DOCK7: variants seen among roughly 807,000 people sequenced by gnomAD.
DOCK7 encodes the protein dedicator of cytokinesis 7, also known as dedicator of cytokinesis protein 7.
Under a neutral mutation model 271.0 loss-of-function variants are expected in DOCK7, and 138 were observed. The ratio of observed to expected loss-of-function variants is 0.51; its 90% CI spans 0.44 to 0.59. DOCK7 has a LOEUF of 0.59. Among genes scored for constraint, DOCK7 ranks in the 20% least tolerant of loss-of-function variants. The probability of loss-of-function intolerance (pLI) is 0.00; values close to 1 mark genes in which losing one functional copy is unlikely to be tolerated. For missense variants in DOCK7, 2,066 were observed against 2,592.4 expected (o/e 0.80, Z 4.41); for synonymous variants, 823 against 876.1 (o/e 0.94, Z 1.07).
At chr1:62,666,811 G>A (rs890697559) in intron 1 of DOCK7, among the ~76,000 whole-genome samples, 4 of 152,042 alleles carry the variant, frequency 2.6e-5, no homozygotes, top group East Asian at 1.9e-4. Context: ...AGTAGAAAAG[G>A]TCAAAAATTC....
intron 37 of DOCK7, among the ~76,000 whole-genome samples, chr1:62,502,625 T>TA (rs1295237711): frequency 6.6e-6 from 1 of 152,052 alleles, no homozygotes; most frequent in African/African-American, 2.4e-5. Context: ...TCTAAAGAAA[T>TA]AGAGTACTAG....
chr1:62,497,906 T>G (rs1371274680), intron 37 of DOCK7, among the ~76,000 whole-genome samples: 1 of 152,128 alleles, frequency 6.6e-6, no homozygotes, highest in African/African-American at 2.4e-5. Flanking sequence ...TGGCTAGGCC[T>G]TTTCAATTAC....
In DOCK7 at chr1:62,552,717, A is replaced by C. The variant is rs1237298201; in HGVS notation, c.2766+15T>G. 1.3e-6 allele frequency: 2 copies of C among 1,582,690 alleles called. No individual in the cohort carries two copies. The highest frequency in any genetic ancestry group is 2.7e-5 in the African/African-American group (2 of 74,000). ...AAACAAAAACCAAATTTACAGATGC[A>C]TGTCTTCAGTTTACCTTACTCCCGA... On this transcript the variant is annotated intron_variant, in intron 22 of 49. Coordinates refer to ENST00000635253, the MANE Select transcript of DOCK7 (RefSeq NM_001367561.1).
intron 2 of DOCK7, among the ~76,000 whole-genome samples, chr1:62,655,252 TAAAGGATATAAAAC>T (rs981079088): frequency 9.2e-5 from 14 of 152,166 alleles, no homozygotes; most frequent in African/African-American, 3.4e-4. Flanking sequence ...GACAAACCTA[TAAAGGATATAAAAC>T]AAACATGCAG....
intron 1 of DOCK7, 28 bp from the exon 2 acceptor site, chr1:62,663,158 C>T (rs746521900): frequency 3.8e-6 from 5 of 1,309,828 alleles, no homozygotes; most frequent in Admixed American, 4.2e-5. Flanking sequence ...AAAACATACG[C>T]ATTATTGAAA....
At chr1:62,558,896 T>C (rs569443947) in intron 20 of DOCK7, 93 bp downstream of exon 20, 24 of 1,032,068 alleles carry the variant, frequency 2.3e-5, no homozygotes, top group Admixed American at 4.8e-5. Context: ...TCCTTATATA[T>C]AGCAAATAGA....
intron 10 of DOCK7, among the ~76,000 whole-genome samples, chr1:62,632,645 TATC>T (rs1654762244): frequency 6.6e-6 from 1 of 152,210 alleles, no homozygotes; most frequent in Non-Finnish European, 1.5e-5. Flanking sequence ...TGTTATCAAT[TATC>T]CAACTTTTTT....
chr1:62,622,622 A>G (rs1653408416), intron 12 of DOCK7, among the ~76,000 whole-genome samples: 1 of 151,500 alleles, frequency 6.6e-6, no homozygotes, highest in African/African-American at 2.4e-5. Context: ...GCCGGCTAAT[A>G]TTTTTTATTT....
rs376803207 is a variant in DOCK7, at chr1:62,653,843, T to A, written c.321-50A>T. The A allele has an allele frequency of 3.4e-6, 5 of 1,456,656 alleles. No homozygotes were observed. The Admixed American group carries it at 7.2e-5, about 21-fold the overall frequency. The allele number at this position is 1,456,656 out of a possible 1,614,324, so 90.2% of individuals were successfully genotyped here. On this transcript the variant is annotated intron_variant, in intron 3 of 49. Coordinates refer to ENST00000635253, the MANE Select transcript of DOCK7 (RefSeq NM_001367561.1). ...TGTAATTTAGACGGGACAGCACTGA[T>A]GTTCATTAATTTGGTTGCTACAATC...
rs971057105 is a variant in DOCK7, at chr1:62,555,951, T to C, written c.2470A>G (p.Ile824Val). 1 of 1,613,886 alleles carries C rather than the reference T, an allele frequency of 6.2e-7. No individual in the cohort carries two copies. The highest frequency in any genetic ancestry group is 1.3e-5 in the African/African-American group (1 of 75,050). ...AAGTTTTTGTGAAGTCGATTTATAA[T>C]TGATGCCATGGCTTCAAAAGATGCT... ...GQASFEAMAS[I>V]INRLHKNLEG... is the part of the protein sequence containing the mutation. Residue 824 changes from isoleucine (I) to valine (V), a missense_variant, in exon 21 of 50, where the codon ATT becomes GTT. Physicochemically the swap from Ile to Val is conservative, Grantham distance 29. Transcript: ENST00000635253.
At chr1:62,515,807 A>C (rs1391692034) in intron 31 of DOCK7, among the ~76,000 whole-genome samples, 1 of 152,220 alleles carries the variant, frequency 6.6e-6, no homozygotes, top group African/African-American at 2.4e-5. Context: ...CAGGGAGATG[A>C]ATGTGTTCTG....
intron 18 of DOCK7, among the ~76,000 whole-genome samples, chr1:62,574,294 T>C (rs1404139886): frequency 6.6e-6 from 1 of 152,192 alleles, no homozygotes; most frequent in Non-Finnish European, 1.5e-5. Context: ...GCTATCATTG[T>C]TCTAACAAAA....
At chr1:62,553,763 A>C (rs1286173308) in intron 21 of DOCK7, among the ~76,000 whole-genome samples, 2 of 152,112 alleles carry the variant, frequency 1.3e-5, no homozygotes, top group East Asian at 3.9e-4. Flanking sequence ...TAAAATCATT[A>C]TCTCTTCAGT....
At chr1:62,529,239 G>T (rs1033520592) in intron 30 of DOCK7, 38 bp downstream of exon 30, 2 of 1,514,886 alleles carry the variant, frequency 1.3e-6, no homozygotes, top group African/African-American at 2.8e-5. Flanking sequence ...TAAACATTGA[G>T]CTTTGCCTTT....
In DOCK7 at chr1:62,457,718, G is replaced by A; in HGVS notation, c.6213-13C>T. ...GGCATCTTCACACCTAGGAAAAACA[G>A]GATGTTATCAAGATATTACTTCTGG... On this transcript the variant is annotated splice_polypyrimidine_tract_variant and intron_variant, in intron 48 of 49. Coordinates refer to ENST00000635253, the MANE Select transcript of DOCK7 (RefSeq NM_001367561.1). The A allele has an allele frequency of 6.2e-7, 1 of 1,610,618 alleles. No homozygotes were observed. The highest frequency in any genetic ancestry group is 8.5e-7 in the Non-Finnish European group (1 of 1,178,736).
chr1:62,468,379 A>AG (rs1165470147), intron 48 of DOCK7, among the ~76,000 whole-genome samples: 3 of 151,006 alleles, frequency 2.0e-5, no homozygotes, highest in African/African-American at 7.3e-5. Flanking sequence ...AAAAAAAAAA[A>AG]GCATCAGCAA....
intron 14 of DOCK7, among the ~76,000 whole-genome samples, chr1:62,616,978 T>C (rs1299247515): frequency 1.3e-5 from 2 of 151,246 alleles, no homozygotes; most frequent in Non-Finnish European, 3.0e-5. Flanking sequence ...AAGGTAAAGA[T>C]ACTGTCAGAC....
intron 8 of DOCK7, among the ~76,000 whole-genome samples, chr1:62,636,272 G>C (rs1655262176): frequency 6.6e-6 from 1 of 152,112 alleles, no homozygotes; most frequent in African/African-American, 2.4e-5. Context: ...CTTGCCAAAA[G>C]TGATTTTCTT....
intron 31 of DOCK7, among the ~76,000 whole-genome samples, chr1:62,521,719 T>C (rs1644856898): frequency 6.6e-6 from 1 of 152,218 alleles, no homozygotes; most frequent in Non-Finnish European, 1.5e-5. Flanking sequence ...TTCACACCTG[T>C]AATCCCAGCA....
Sources: gnomAD v4.1 joint callset for allele counts (sites outside exome capture counted in the v4.1 genomes callset) on GRCh38, gnomAD v4.1.1 for gene constraint, MANE v1.5 for transcripts, NCBI Gene and HGNC (gene_info 2026-07-23, HGNC 2026-07-21) for gene names.